Variants in PURG observed in about 807,000 individuals in gnomAD.
PURG encodes purine-rich element-binding protein gamma.
A neutral mutation model predicts 24.3 loss-of-function variants in PURG; 3 were observed. That is an observed-to-expected ratio of 0.12 (90% CI 0.06 to 0.32). PURG has a LOEUF of 0.32. PURG is among the 10% of genes least tolerant of loss of function. PURG has a pLI of 1.00. For synonymous variants in PURG, 180 were observed against 173.1 expected, an observed-to-expected ratio of 1.04 and a Z score of -0.31; for missense variants, 371 against 439.1, an observed-to-expected ratio of 0.84 and a Z score of 1.39.
rs748723449 is a variant in PURG, at chr8:31,031,691, T to C, written c.*48A>G. On this transcript the variant is annotated 3_prime_UTR_variant, in exon 2 of 2. Coordinates refer to ENST00000523392, the MANE Select transcript of PURG (RefSeq NM_001323311.2). ...TCAAAGGATAATGGATCAGTACTTTTAGCCAATTTGTGATTTTAAATTTTG... is the reference window on the plus strand; with the variant it reads ...TCAAAGGATAATGGATCAGTACTTTCAGCCAATTTGTGATTTTAAATTTTG... 2.0e-6 allele frequency: 3 copies of C among 1,489,034 alleles called. No individual in the cohort carries two copies. The African/African-American group carries it at 4.2e-5, about 21-fold the overall frequency. The allele number at this position is 1,489,034 out of a possible 1,614,324, so 92.2% of individuals were successfully genotyped here.
At chr8:31,019,085 C>A (rs1351765913) in intron 1 of PURG, among the ~76,000 whole-genome samples, 3 of 113,964 alleles carry the variant, frequency 2.6e-5, no homozygotes, top group African/African-American at 1.0e-4. Flanking sequence ...GATCGCGCCA[C>A]TGCACTCCAG....
At chr8:31,005,489 C>T (rs1810625056) in intron 1 of PURG, among the ~76,000 whole-genome samples, 1 of 150,766 alleles carries the variant, frequency 6.6e-6, no homozygotes. Flanking sequence ...ATGCAATTAA[C>T]AGGGGATTCC....
Position 31,031,908 on chromosome 8 carries a change from A to C in PURG, c.875T>G (p.Val292Gly). The change falls in exon 2 of 2, where the codon GTG becomes GGG. Residue 292 changes from valine to glycine, a missense_variant. Physicochemically the swap from Val to Gly is moderately radical, Grantham distance 109. Transcript: ENST00000523392. ...AATAGTATTACGGTAAGGTGGTCTCACCTCACTTACCTTCAGGAAAATTCC... is the reference window on the plus strand; with the variant it reads ...AATAGTATTACGGTAAGGTGGTCTCCCCTCACTTACCTTCAGGAAAATTCC... Reference protein sequence around the residue: ...KYGIFLKVSEVRPPYRNTITV... With the variant: ...KYGIFLKVSEGRPPYRNTITV... 6.2e-7 allele frequency: 1 copy of C among 1,614,154 alleles called. No individual in the cohort carries two copies. Among genetic ancestry groups the C allele is most frequent in the Non-Finnish European group, 8.5e-7 (1 of 1,180,022 alleles).
chr8:31,030,327 G>A (rs1811169818), downstream of PURG, among the ~76,000 whole-genome samples: 1 of 151,920 alleles, frequency 6.6e-6, no homozygotes, highest in Non-Finnish European at 1.5e-5. Context: ...TGTGTGGGAG[G>A]TGAATAAAGC....
chr8:31,031,876 G>C lies in PURG; in HGVS notation c.907C>G (p.Pro303Ala). The change falls in exon 2 of 2, where the codon CCA becomes GCA. Residue 303 changes from proline to alanine, a missense_variant. Coordinates refer to ENST00000523392, the MANE Select transcript of PURG (RefSeq NM_001323311.2). ...CCAAACCTTGTCCAAGCTTTGAATG[G>C]AACAGTAATAGTATTACGGTAAGGT... is the stretch of plus-strand genomic sequence containing the variant. Reference protein sequence around the residue: ...RPPYRNTITVPFKAWTRFGEN... With the variant: ...RPPYRNTITVAFKAWTRFGEN... 1 of 1,613,218 alleles carries C rather than the reference G, an allele frequency of 6.2e-7. No individual in the cohort carries two copies. The highest frequency in any genetic ancestry group is 8.5e-7 in the Non-Finnish European group (1 of 1,179,572).
At chr8:30,996,555 T>A in exon 2 of PURG, 1 of 1,443,062 alleles carries the variant, frequency 6.9e-7, no homozygotes, top group Non-Finnish European at 9.6e-7. Flanking sequence ...TTTCACCGAA[T>A]GCCTTTATTC....
intron 1 of PURG, among the ~76,000 whole-genome samples, chr8:31,008,796 C>T (rs765757341): frequency 2.8e-4 from 43 of 152,180 alleles, no homozygotes; most frequent in South Asian, 1.7e-3. Flanking sequence ...CCAAATTTCA[C>T]AATAAATGAC....
Position 31,032,376 on chromosome 8 carries a change from TGCCGGTG to T in PURG, c.400_406del (p.His134LysfsTer36). 1 of 1,613,588 alleles carries T rather than the reference TGCCGGTG, an allele frequency of 6.2e-7. No homozygotes were observed. The highest frequency in any genetic ancestry group is 1.1e-5 in the South Asian group (1 of 91,080). On this transcript the variant is annotated frameshift_variant, in exon 2 of 2. Coordinates refer to ENST00000523392, the MANE Select transcript of PURG (RefSeq NM_001323311.2). LOFTEE classifies it high-confidence loss of function. The surrounding 1 kb of genome is among the most constrained non-coding windows in gnomAD (Gnocchi z 5.9). ...TTGCTCTTTGCTGTGGCCATGCTCT[TGCCGGTG>T]GCCTTTCAGGCCCAGGTGGGCATAG... is the stretch of plus-strand genomic sequence containing the variant.
chr8:31,026,875 G>A (rs958029731), downstream of PURG, among the ~76,000 whole-genome samples: 4 of 151,080 alleles, frequency 2.6e-5, no homozygotes, highest in East Asian at 1.9e-4. Flanking sequence ...TAACAAGTAC[G>A]GATTTTTTCC....
Position 31,032,814 on chromosome 8 carries a change from GA to G in PURG, c.-6-27del. The G allele has an allele frequency of 7.3e-7, 1 of 1,375,696 alleles. No homozygotes were observed. Among genetic ancestry groups the G allele is most frequent in the Non-Finnish European group, 9.4e-7 (1 of 1,060,328 alleles). The allele number at this position is 1,375,696 out of a possible 1,614,324, so 85.2% of individuals were successfully genotyped here. ...CTGCAAGTAACAAACAGACACACGG[GA>G]TGGGGTGGGGGAGGGGTGTTGAGAA... On this transcript the variant is annotated intron_variant, in intron 1 of 1. Coordinates refer to ENST00000523392, the MANE Select transcript of PURG (RefSeq NM_001323311.2). This position sits in a 1 kb window ranked among gnomAD's most constrained non-coding sequence, Gnocchi z 5.9.
intron 1 of PURG, among the ~76,000 whole-genome samples, chr8:31,007,464 G>A (rs950830643): frequency 6.6e-6 from 1 of 152,116 alleles, no homozygotes; most frequent in Non-Finnish European, 1.5e-5. Flanking sequence ...AAATAAAGAG[G>A]TGAGAAAACT....
intron 1 of PURG, among the ~76,000 whole-genome samples, chr8:31,014,509 A>C (rs144060488): frequency 6.6e-6 from 1 of 152,238 alleles, no homozygotes; most frequent in African/African-American, 2.4e-5. Flanking sequence ...TCTTACTGCC[A>C]AAGATTTTGA....
intron 1 of PURG, among the ~76,000 whole-genome samples, chr8:31,002,386 A>T (rs1810555434): frequency 6.6e-6 from 1 of 152,138 alleles, no homozygotes; most frequent in African/African-American, 2.4e-5. Context: ...AAATCCCAAA[A>T]GTTTGATGTG....
intron 1 of PURG, among the ~76,000 whole-genome samples, chr8:31,004,236 T>C (rs1810599411): frequency 6.6e-6 from 1 of 152,198 alleles, no homozygotes; most frequent in Non-Finnish European, 1.5e-5. Flanking sequence ...TTATATAATA[T>C]TTGCTTGGAA....
At chr8:30,996,405 A>G (rs1161166380) in exon 2 of PURG, 2 of 454,164 alleles carry the variant, frequency 4.4e-6, no homozygotes, top group African/African-American at 4.0e-5. Context: ...TAGAGTCGAA[A>G]GGTACTTCAA....
intron 1 of PURG, among the ~76,000 whole-genome samples, chr8:31,022,034 C>T (rs1310730018): frequency 1.3e-5 from 2 of 151,000 alleles, no homozygotes; most frequent in Non-Finnish European, 3.0e-5. Context: ...GCAGTGGTGC[C>T]ATCTCAGCTC....
In PURG at chr8:31,032,867, C is replaced by T. The variant is rs1811273161; in HGVS notation, c.-6-79G>A. The stretch of plus-strand genomic sequence containing the variant: ...AATCGCAGACGCCCCTCGGCCTGAC[C>T]GCCCCGCCGCCGCCCGCGACCCCCA... On this transcript the variant is annotated intron_variant, in intron 1 of 1. Transcript: ENST00000523392. The surrounding 1 kb of genome is among the most constrained non-coding windows in gnomAD (Gnocchi z 5.9). 2 of 1,112,952 alleles carry T rather than the reference C, an allele frequency of 1.8e-6. No individual in the cohort carries two copies. Among genetic ancestry groups the T allele is most frequent in the South Asian group, 4.5e-5 (1 of 22,082 alleles). The allele number at this position is 1,112,952 out of a possible 1,614,324, so 68.9% of individuals were successfully genotyped here.
At chr8:31,026,445 A>G (rs1563309929), downstream of PURG, among the ~76,000 whole-genome samples, 1 of 151,412 alleles carries the variant, frequency 6.6e-6, no homozygotes, top group Non-Finnish European at 1.5e-5. Context: ...GTAAATACCA[A>G]TGGGATTCAT....
chr8:31,013,875 G>C (rs1325345976), intron 1 of PURG, among the ~76,000 whole-genome samples: 1 of 152,142 alleles, frequency 6.6e-6, no homozygotes, highest in African/African-American at 2.4e-5. Flanking sequence ...TTTTGGGGTG[G>C]TATGATGATC....
Sources: allele counts gnomAD v4.1 joint callset (sites outside exome capture counted in the v4.1 genomes callset), GRCh38; gene constraint gnomAD v4.1.1; non-coding constraint Gnocchi (gnomAD v3.1); transcripts MANE v1.5; gene names NCBI Gene and HGNC (gene_info 2026-07-23, HGNC 2026-07-21).